ULK4: variants seen among roughly 807,000 people sequenced by gnomAD.
ULK4 encodes the protein unc-51 like kinase 4, also known as inactive serine/threonine-protein kinase ULK4.
In ULK4, 133 loss-of-function variants were observed where a neutral mutation model predicts 160.6. That is an observed-to-expected ratio of 0.83 (90% CI 0.72 to 0.96). ULK4 has a LOEUF of 0.96. ULK4 is among the 40% of genes least tolerant of loss of function. ULK4 has a pLI of 0.00. For synonymous variants in ULK4, 534 were observed against 539.8 expected, an observed-to-expected ratio of 0.99 and a Z score of 0.15; for missense variants, 1,580 against 1,499.5, an observed-to-expected ratio of 1.05 and a Z score of -0.89.
Position 41,572,478 on chromosome 3 carries a change from T to C in ULK4, c.3121-6348A>G, listed in dbSNP as rs565461267. Among the ~76,000 whole-genome samples, 15 of 152,062 alleles carry C rather than the reference T, an allele frequency of 9.9e-5. No individual in the cohort carries two copies. The South Asian group carries it at 2.9e-3, about 29-fold the overall frequency. On this transcript the variant is annotated intron_variant, in intron 31 of 36. Coordinates refer to ENST00000301831, the MANE Select transcript of ULK4 (RefSeq NM_017886.4). The stretch of plus-strand genomic sequence containing the variant: ...GAGCCCTCAATGTTTTTCATTACAC[T>C]GTAAGATAAATAACCCACACGCCTG...
At chr3:41,953,281 TAC>T (rs1339979477) in intron 2 of ULK4, among the ~76,000 whole-genome samples, 1 of 51,690 alleles carries the variant, frequency 1.9e-5, no homozygotes, top group East Asian at 1.0e-3. Flanking sequence ...TATACATATA[TAC>T]ACATATATAT....
intron 25 of ULK4, among the ~76,000 whole-genome samples, chr3:41,711,194 G>T (rs377479534): frequency 6.6e-6 from 1 of 152,184 alleles, no homozygotes; most frequent in Admixed American, 6.5e-5. Flanking sequence ...AAGTGCTAAA[G>T]GAATGCTGAG....
At chr3:41,829,816 A>G (rs2041509931) in intron 18 of ULK4, among the ~76,000 whole-genome samples, 3 of 146,328 alleles carry the variant, frequency 2.1e-5, no homozygotes, top group Admixed American at 2.0e-4. Context: ...AAAGGACTAT[A>G]AATCATGCTG....
At chr3:41,373,786 C>T (rs2081421973) in intron 35 of ULK4, among the ~76,000 whole-genome samples, 1 of 152,074 alleles carries the variant, frequency 6.6e-6, no homozygotes, top group Admixed American at 6.6e-5. Flanking sequence ...TAACTAAGGT[C>T]ACAGCAAAAC....
chr3:41,944,144 G>T (rs1372342141), intron 2 of ULK4, among the ~76,000 whole-genome samples: 1 of 152,198 alleles, frequency 6.6e-6, no homozygotes, highest in Non-Finnish European at 1.5e-5. Flanking sequence ...TCCCTGGAAA[G>T]CTGACATGAT....
intron 34 of ULK4, among the ~76,000 whole-genome samples, chr3:41,407,027 A>T (rs9990313): frequency 6.6e-6 from 1 of 152,070 alleles, no homozygotes; most frequent in Non-Finnish European, 1.5e-5. Context: ...AGACAGAGCA[A>T]AAAGTCCTGA....
chr3:41,532,442 C>A (rs1393202933), intron 32 of ULK4, among the ~76,000 whole-genome samples: 1 of 152,230 alleles, frequency 6.6e-6, no homozygotes, highest in Non-Finnish European at 1.5e-5. Context: ...TAACATCTAG[C>A]ATCATCTAAC....
At chr3:41,534,052 C>T (rs1030276830) in intron 32 of ULK4, among the ~76,000 whole-genome samples, 5 of 152,130 alleles carry the variant, frequency 3.3e-5, no homozygotes, top group East Asian at 1.9e-4. Flanking sequence ...ATGATCCAAC[C>T]GCCTCGGCCT....
intron 16 of ULK4, 139 bp from the exon 17 acceptor site, chr3:41,884,091 C>G: frequency 5.9e-6 from 4 of 673,660 alleles, no homozygotes; most frequent in Non-Finnish European, 8.0e-6. Context: ...GTCAGGCCCA[C>G]ACTCCCACAT....
intron 29 of ULK4, among the ~76,000 whole-genome samples, chr3:41,670,704 G>A (rs1419517731): frequency 1.3e-5 from 2 of 151,870 alleles, no homozygotes; most frequent in African/African-American, 4.8e-5. Flanking sequence ...CACATAGTAA[G>A]CTCTACTCTC....
chr3:41,638,969 T>C (rs1158859305), intron 30 of ULK4, among the ~76,000 whole-genome samples: 1 of 152,164 alleles, frequency 6.6e-6, no homozygotes, highest in Non-Finnish European at 1.5e-5. Context: ...TCTAAAATGG[T>C]AAATGACCTT....
chr3:41,560,071 A>C (rs1471118275), intron 32 of ULK4, among the ~76,000 whole-genome samples: 1 of 152,196 alleles, frequency 6.6e-6, no homozygotes, highest in Non-Finnish European at 1.5e-5. Flanking sequence ...ATCCAGTTTC[A>C]GCTTTCTACA....
At chr3:41,833,877 G>A (rs9849393) in intron 18 of ULK4, among the ~76,000 whole-genome samples, 1 of 151,662 alleles carries the variant, frequency 6.6e-6, no homozygotes, top group Admixed American at 6.6e-5. Context: ...TCACCCCGGC[G>A]AGAACTTCCA....
intron 22 of ULK4, among the ~76,000 whole-genome samples, chr3:41,721,362 ATTTT>A (rs1192444773): frequency 0.017 from 464 of 27,838 alleles, 5 homozygotes; most frequent in Middle Eastern, 0.031. Context: ...ATATATATAT[ATTTT>A]TTTTTTTTTT....
chr3:41,746,504 CTAAA>C (rs954335931), intron 22 of ULK4, among the ~76,000 whole-genome samples: 5 of 148,632 alleles, frequency 3.4e-5, no homozygotes, highest in African/African-American at 7.5e-5. Flanking sequence ...AAAAAAAAAA[CTAAA>C]TAAATAGAGA....
At chr3:41,693,845 GA>G in intron 27 of ULK4, among the ~76,000 whole-genome samples, 1 of 152,280 alleles carries the variant, frequency 6.6e-6, no homozygotes, top group South Asian at 2.1e-4. Context: ...AGGAGAAAAA[GA>G]AAACCTAAAA....
At chr3:41,284,034 T>A (rs2079413881) in intron 35 of ULK4, among the ~76,000 whole-genome samples, 1 of 152,038 alleles carries the variant, frequency 6.6e-6, no homozygotes, top group Non-Finnish European at 1.5e-5. Flanking sequence ...AAAAGACCTC[T>A]ACAAAGAAAA....
chr3:41,583,943 T>C (rs1212374160), intron 31 of ULK4, among the ~76,000 whole-genome samples: 1 of 152,218 alleles, frequency 6.6e-6, no homozygotes, highest in African/African-American at 2.4e-5. Context: ...ACCTGTCATA[T>C]ATGCAGACAG....
chr3:41,806,390 T>C (rs1024888076), intron 19 of ULK4, among the ~76,000 whole-genome samples: 10 of 152,210 alleles, frequency 6.6e-5, no homozygotes, highest in Non-Finnish European at 1.5e-4. Context: ...TCTTTATTAG[T>C]CTTGCTAGTG....
Sources: allele counts gnomAD v4.1 joint callset (sites outside exome capture counted in the v4.1 genomes callset), GRCh38; gene constraint gnomAD v4.1.1; transcripts MANE v1.5; gene names NCBI Gene and HGNC (gene_info 2026-07-23, HGNC 2026-07-21).